UBXN10: variants seen among roughly 807,000 people sequenced by gnomAD.
The protein encoded by UBXN10 is UBX domain-containing protein 10.
A neutral mutation model predicts 6.9 loss-of-function variants in UBXN10; 6 were observed. The ratio of observed to expected loss-of-function variants is 0.87; its 90% CI spans 0.48 to 1.72. The LOEUF is 1.72. Among genes scored for constraint, UBXN10 ranks in the 40% most tolerant of loss-of-function variants. The probability of loss-of-function intolerance (pLI) is 0.01; values close to 1 mark genes in which losing one functional copy is unlikely to be tolerated. For missense variants in UBXN10, 317 were observed against 348.4 expected (o/e 0.91, Z 0.72); for synonymous variants, 131 against 135.2 (o/e 0.97, Z 0.21).
chr1:20,191,466 G>A lies in UBXN10; in HGVS notation c.*62G>A. On this transcript the variant is annotated 3_prime_UTR_variant, in exon 2 of 2. Transcript: ENST00000375099. This position sits in a 1 kb window ranked among gnomAD's most constrained non-coding sequence, Gnocchi z 4.5. ...GCAAAGGAGCATGCTTGGGCGTTGT[G>A]GCCTCTTAGGCAGCCTGTTTCAAGT... 1.3e-6 allele frequency: 2 copies of A among 1,541,222 alleles called. No individual in the cohort carries two copies. Among genetic ancestry groups the A allele is most frequent in the African/African-American group, 1.4e-5 (1 of 72,672 alleles).
chr1:20,195,645 A>G lies in UBXN10; in HGVS notation c.*4241A>G, dbSNP rs1049756725. ...CAAACAACCACCACGGCAGCAAAGCACATGGCAGGCAGGGGAAAGACACTG... is the reference window on the plus strand; with the variant it reads ...CAAACAACCACCACGGCAGCAAAGCGCATGGCAGGCAGGGGAAAGACACTG... On this transcript the variant is annotated 3_prime_UTR_variant, in exon 2 of 2. Transcript: ENST00000375099. 1 of 167,184 alleles carries G rather than the reference A, an allele frequency of 6.0e-6. No individual in the cohort carries two copies. The highest frequency in any genetic ancestry group is 1.5e-5 in the Non-Finnish European group (1 of 68,136). 10.4% of individuals were successfully genotyped at this position (167,184 alleles called of 1,614,324 possible).
In UBXN10 at chr1:20,190,985, C is replaced by A. The variant is rs780073866; in HGVS notation, c.424C>A (p.Leu142Met). ...TVAKKASSLQ[L>M]SSIRALYQDE... Reference sequence around the variant, plus strand: ...TGCCAAAAAGGCCAGCTCACTGCAACTGAGCAGTATCCGGGCTCTTTACCA... The same window carrying A: ...TGCCAAAAAGGCCAGCTCACTGCAAATGAGCAGTATCCGGGCTCTTTACCA... The change falls in exon 2 of 2, where the codon CTG (leucine) becomes ATG (methionine). Residue 142 changes from leucine to methionine, a missense_variant. Leu to Met is a conservative substitution (Grantham distance 15, BLOSUM62 2). Transcript: ENST00000375099. 6.2e-7 allele frequency: 1 copy of A among 1,614,172 alleles called. No individual in the cohort carries two copies. The highest frequency in any genetic ancestry group is 1.7e-5 in the Admixed American group (1 of 60,024).
rs539596373 is a variant in UBXN10 at position 20,194,716 on chromosome 1, C to G, written c.*3312C>G. On this transcript the variant is annotated 3_prime_UTR_variant, in exon 2 of 2. Coordinates refer to ENST00000375099, the MANE Select transcript of UBXN10 (RefSeq NM_152376.5). Reference sequence around the variant, plus strand: ...CTTGGGACAAAGATGTTTCTCTTTACTTAGTTTTAAAAATAAAATCCTCAT... The same window carrying G: ...CTTGGGACAAAGATGTTTCTCTTTAGTTAGTTTTAAAAATAAAATCCTCAT... The G allele has an allele frequency of 9.6e-5, 16 of 167,180 alleles. No individual in the cohort carries two copies. The South Asian group carries it at 3.1e-3, about 32-fold the overall frequency. 10.4% of individuals were successfully genotyped at this position (167,180 alleles called of 1,614,324 possible).
chr1:20,190,815 C>G lies in UBXN10; in HGVS notation c.254C>G (p.Pro85Arg). The change falls in exon 2 of 2, where the codon CCC (proline) becomes CGC (arginine). Residue 85 changes from proline to arginine, a missense_variant. Physicochemically the swap from Pro to Arg is moderately radical, Grantham distance 103. Transcript: ENST00000375099. ...AGCCAAAAACCAGGAGCCTGTGCAC[C>G]CAAATCTCCAAACCAGGGAGCTTCT... is the stretch of plus-strand genomic sequence containing the variant. ...PSSQKPGACA[P>R]KSPNQGASDE... 1 of 1,613,946 alleles carries G rather than the reference C, an allele frequency of 6.2e-7. No homozygotes were observed. Among genetic ancestry groups the G allele is most frequent in the Non-Finnish European group, 8.5e-7 (1 of 1,180,026 alleles).
chr1:20,191,200 CCA>C lies in UBXN10; in HGVS notation c.640_641del (p.His214PhefsTer6). ...RSPTGQRFVR[H>X]FRPTDDLQTI... ...CACCAACAGGCCAAAGGTTTGTACG[CCA>C]TTTCCGGCCAACAGATGATTTGCAA... On this transcript the variant is annotated frameshift_variant, in exon 2 of 2. Coordinates refer to ENST00000375099, the MANE Select transcript of UBXN10 (RefSeq NM_152376.5). LOFTEE classifies it high-confidence loss of function. The surrounding 1 kb of genome is among the most constrained non-coding windows in gnomAD (Gnocchi z 4.5). 2 of 1,614,180 alleles carry C rather than the reference CCA, an allele frequency of 1.2e-6. No individual in the cohort carries two copies. Among genetic ancestry groups the C allele is most frequent in the Non-Finnish European group, 1.7e-6 (2 of 1,180,042 alleles).
chr1:20,190,649 A>C lies in UBXN10; in HGVS notation c.88A>C (p.Asn30His). 1 of 1,614,162 alleles carries C rather than the reference A, an allele frequency of 6.2e-7. No homozygotes were observed. The highest frequency in any genetic ancestry group is 8.5e-7 in the Non-Finnish European group (1 of 1,180,030). Residue 30 changes from asparagine (N) to histidine (H), a missense_variant, in exon 2 of 2, where the codon AAC becomes CAC. Asn to His is a moderately conservative substitution (Grantham distance 68). Coordinates refer to ENST00000375099, the MANE Select transcript of UBXN10 (RefSeq NM_152376.5). ...AGTTGACAGCCTCATTTGGCAGCCA[A>C]ACTCACTAAATATGCACATGATAAG... The part of the protein sequence containing the change: ...TAVDSLIWQP[N>H]SLNMHMIRPK...
At position 20,195,636 on chromosome 1, in the gene UBXN10, C is replaced by T. The variant is rs2018586347; in HGVS notation, c.*4232C>T. 1 of 167,134 alleles carries T rather than the reference C, an allele frequency of 6.0e-6. No individual in the cohort carries two copies. The highest frequency in any genetic ancestry group is 6.5e-5 in the Admixed American group (1 of 15,294). The allele number at this position is 167,134 out of a possible 1,614,324, so 10.4% of individuals were successfully genotyped here. A position where few individuals can be genotyped will look rare whatever the true frequency, so the allele number is the denominator to read the frequency against. On this transcript the variant is annotated 3_prime_UTR_variant, in exon 2 of 2. Transcript: ENST00000375099. ...ACAAACAAGCAAACAACCACCACGG[C>T]AGCAAAGCACATGGCAGGCAGGGGA...
chr1:20,184,374 A>T (rs1321483369), upstream of UBXN10: 1 of 152,238 alleles, frequency 6.6e-6, no homozygotes, highest in Non-Finnish European at 1.5e-5. Flanking sequence ...AGAATCATTA[A>T]CAAGAAATAA....
Position 20,193,461 on chromosome 1 carries a change from A to T in UBXN10, c.*2057A>T, listed in dbSNP as rs920108882. 6 of 162,728 alleles carry T rather than the reference A, an allele frequency of 3.7e-5. No homozygotes were observed. Among genetic ancestry groups the T allele is most frequent in the Non-Finnish European group, 8.9e-5 (6 of 67,338 alleles). The allele number at this position is 162,728 out of a possible 1,614,324, so 10.1% of individuals were successfully genotyped here. ...CTAGACTCAAACCATCATAATAAAC[A>T]TTTTTTTTTTGGACAAAAGATGATA... On this transcript the variant is annotated 3_prime_UTR_variant, in exon 2 of 2. Transcript: ENST00000375099.
rs2018500533 is a variant in UBXN10, at chr1:20,191,459, G to T, written c.*55G>T. 6.4e-7 allele frequency: 1 copy of T among 1,557,040 alleles called. No homozygotes were observed. The highest frequency in any genetic ancestry group is 8.7e-7 in the Non-Finnish European group (1 of 1,152,376). On this transcript the variant is annotated 3_prime_UTR_variant, in exon 2 of 2. Coordinates refer to ENST00000375099, the MANE Select transcript of UBXN10 (RefSeq NM_152376.5). This position sits in a 1 kb window ranked among gnomAD's most constrained non-coding sequence, Gnocchi z 4.5. ...TCTCTGAGCAAAGGAGCATGCTTGG[G>T]CGTTGTGGCCTCTTAGGCAGCCTGT... is the stretch of plus-strand genomic sequence containing the variant.
Position 20,188,347 on chromosome 1 carries a change from A to C in UBXN10, c.-16+2194A>C, listed in dbSNP as rs188044826. Among the ~76,000 whole-genome samples the C allele has an allele frequency of 1.3e-3, 195 of 152,340 alleles. 1 individual carries two copies. Among genetic ancestry groups the C allele is most frequent in the African/African-American group, 4.0e-3 (168 of 41,578 alleles). On this transcript the variant is annotated intron_variant, in intron 1 of 1. Transcript: ENST00000375099. ...ACTCAGGCTGTGAGTGGAATGCAGCAGACATAGAGGCCTTTAAAAGAGGGT... is the reference window on the plus strand; with the variant it reads ...ACTCAGGCTGTGAGTGGAATGCAGCCGACATAGAGGCCTTTAAAAGAGGGT...
Position 20,193,390 on chromosome 1 carries a change from AT to A in UBXN10, c.*1987del, listed in dbSNP as rs1324313614. ...TTGGGGTTGGGAAAAAGTGGAAGGCATAAGCATAGAAATATTTTAGGATATT... is the reference window on the plus strand; with the variant it reads ...TTGGGGTTGGGAAAAAGTGGAAGGCAAAGCATAGAAATATTTTAGGATATT... On this transcript the variant is annotated 3_prime_UTR_variant, in exon 2 of 2. Coordinates refer to ENST00000375099, the MANE Select transcript of UBXN10 (RefSeq NM_152376.5). 3 of 167,146 alleles carry A rather than the reference AT, an allele frequency of 1.8e-5. No homozygotes were observed. Among genetic ancestry groups the A allele is most frequent in the Non-Finnish European group, 2.9e-5 (2 of 68,128 alleles). The allele number at this position is 167,146 out of a possible 1,614,324, so 10.4% of individuals were successfully genotyped here.
rs1412392420 is a variant in UBXN10, at chr1:20,195,936, C to T, written c.*4532C>T. ...TCCTTCATCCCTCCCTTTCTTGCCA[C>T]CCTTCCCTCCATTTATTCCAGTCCA... is the stretch of plus-strand genomic sequence containing the variant. On this transcript the variant is annotated 3_prime_UTR_variant, in exon 2 of 2. Transcript: ENST00000375099. The T allele has an allele frequency of 6.0e-6, 1 of 167,106 alleles. No homozygotes were observed. Among genetic ancestry groups the T allele is most frequent in the South Asian group, 2.1e-4 (1 of 4,826 alleles). The allele number at this position is 167,106 out of a possible 1,614,324, so 10.4% of individuals were successfully genotyped here. A position where few individuals can be genotyped will look rare whatever the true frequency, so the allele number is the denominator to read the frequency against.
chr1:20,185,571 C>A (rs932913306), upstream of UBXN10, among the ~76,000 whole-genome samples: 2 of 152,110 alleles, frequency 1.3e-5, no homozygotes, highest in African/African-American at 4.8e-5. Flanking sequence ...AGTGTGGCCC[C>A]GGAGTGGGAG....
chr1:20,190,303 G>A (rs761998913), intron 1 of UBXN10, among the ~76,000 whole-genome samples: 49 of 151,886 alleles, frequency 3.2e-4, no homozygotes, highest in Admixed American at 5.9e-4. Flanking sequence ...CTATTTACTT[G>A]TGGGTTTTAA....
At chr1:20,189,624 A>C (rs1437928413) in intron 1 of UBXN10, among the ~76,000 whole-genome samples, 1 of 152,172 alleles carries the variant, frequency 6.6e-6, no homozygotes, top group Non-Finnish European at 1.5e-5. Flanking sequence ...ACAGCTCGGG[A>C]GGCTGAGGCA....
At position 20,194,071 on chromosome 1, in the gene UBXN10, C is replaced by G. The variant is rs1287000350; in HGVS notation, c.*2667C>G. On this transcript the variant is annotated 3_prime_UTR_variant, in exon 2 of 2. Transcript: ENST00000375099. ...TGAACCCACCATTGGACTCTCAACT[C>G]AAACCTTACTGAAGTCAGTGGCTAT... 2.4e-5 allele frequency: 4 copies of G among 167,082 alleles called. No homozygotes were observed. The highest frequency in any genetic ancestry group is 7.2e-5 in the African/African-American group (3 of 41,452). The allele number at this position is 167,082 out of a possible 1,614,324, so 10.3% of individuals were successfully genotyped here.
At position 20,195,138 on chromosome 1, in the gene UBXN10, G is replaced by A. The variant is rs553533142; in HGVS notation, c.*3734G>A. 1.2e-5 allele frequency: 2 copies of A among 167,242 alleles called. No individual in the cohort carries two copies. The highest frequency in any genetic ancestry group is 1.9e-4 in the East Asian group (1 of 5,190). The allele number at this position is 167,242 out of a possible 1,614,324, so 10.4% of individuals were successfully genotyped here. A position where few individuals can be genotyped will look rare whatever the true frequency, so the allele number is the denominator to read the frequency against. ...GCGTGCCACTTTCCTTTCCTGATTAGGGAAGCTTCTCCCAGCCCTTTCTGA... is the reference window on the plus strand; with the variant it reads ...GCGTGCCACTTTCCTTTCCTGATTAAGGAAGCTTCTCCCAGCCCTTTCTGA... On this transcript the variant is annotated 3_prime_UTR_variant, in exon 2 of 2. Coordinates refer to ENST00000375099, the MANE Select transcript of UBXN10 (RefSeq NM_152376.5).
chr1:20,186,900 T>TG (rs201986116), intron 1 of UBXN10, among the ~76,000 whole-genome samples: 862 of 54,276 alleles, frequency 0.016, 9 homozygotes, highest in African/African-American at 0.051. Context: ...GGGTGTGGGT[T>TG]GGGGGGGGCG....
Sources: gnomAD v4.1 joint callset for allele counts (sites outside exome capture counted in the v4.1 genomes callset) on GRCh38, gnomAD v4.1.1 for gene constraint, Gnocchi (gnomAD v3.1) non-coding constraint, MANE v1.5 for transcripts, NCBI Gene and HGNC (gene_info 2026-07-23, HGNC 2026-07-21) for gene names.